GSE1: variants seen among roughly 807,000 people sequenced by gnomAD.
GSE1 encodes the protein Gse1 coiled-coil protein.
Under a neutral mutation model 112.6 loss-of-function variants are expected in GSE1, and 32 were observed. The observed-to-expected ratio is 0.28, with a 90% confidence interval of 0.21 to 0.38. The LOEUF is 0.38. GSE1 is among the 10% of genes least tolerant of loss of function. The pLI is 1.00. For missense variants in GSE1, 2,348 were observed against 1,699.2 expected, an observed-to-expected ratio of 1.38 and a Z score of -6.71; for synonymous variants, 1,115 against 735.6, an observed-to-expected ratio of 1.52 and a Z score of -8.35.
chr16:85,597,373 CAAAA>C (rs1165062872), intron 1 of GSE1, among the ~76,000 whole-genome samples: 23 of 31,850 alleles, frequency 7.2e-4, no homozygotes, highest in South Asian at 4.0e-3. Flanking sequence ...GACTCTGTCT[CAAAA>C]AAAAAAAAAA....
chr16:85,228,150 G>C (rs753836984), intron 1 of GSE1, among the ~76,000 whole-genome samples: 1 of 152,256 alleles, frequency 6.6e-6, no homozygotes, highest in Non-Finnish European at 1.5e-5. Context: ...CTGGCTGCTG[G>C]AGGAGCAGCG....
chr16:85,507,701 G>A (rs1473524447), intron 2 of GSE1, among the ~76,000 whole-genome samples: 4 of 152,084 alleles, frequency 2.6e-5, no homozygotes, highest in Admixed American at 2.0e-4. Context: ...TTGGATTAGG[G>A]CCACCCGGGT....
intron 2 of GSE1, among the ~76,000 whole-genome samples, chr16:85,520,909 G>A (rs750054957): frequency 6.6e-6 from 1 of 152,120 alleles, no homozygotes; most frequent in African/African-American, 2.4e-5. Flanking sequence ...GCCTGGTCCC[G>A]CCCGCCACCC....
At chr16:85,451,753 GCGC>G (rs756220383) in intron 2 of GSE1, among the ~76,000 whole-genome samples, 5,654 of 49,686 alleles carry the variant, frequency 0.11, 1,685 homozygotes, top group East Asian at 0.36. Flanking sequence ...GTTGGTGCGT[GCGC>G]TGGTGGTGGT....
At chr16:85,170,198 C>T (rs2074336545) in exon 1 of GSE1, 4 of 985,288 alleles carry the variant, frequency 4.1e-6, no homozygotes, top group South Asian at 4.7e-5. Flanking sequence ...GGACAGGGCG[C>T]AGAGGCCTCG....
chr16:85,638,345 C>T (rs2050171329), intron 2 of GSE1, among the ~76,000 whole-genome samples: 1 of 152,214 alleles, frequency 6.6e-6, no homozygotes, highest in African/African-American at 2.4e-5. Flanking sequence ...GTCACCCGCC[C>T]ACCAGCGCGG....
At chr16:85,308,775 A>C (rs2045749094) in intron 1 of GSE1, among the ~76,000 whole-genome samples, 1 of 151,490 alleles carries the variant, frequency 6.6e-6, no homozygotes, top group Admixed American at 6.6e-5. Context: ...AGAGGTTTGC[A>C]GCAAAAGCCA....
chr16:85,479,419 T>C (rs1319697518), intron 2 of GSE1, among the ~76,000 whole-genome samples: 2 of 151,922 alleles, frequency 1.3e-5, no homozygotes, highest in African/African-American at 4.8e-5. Flanking sequence ...TCTGCACGTC[T>C]CAGCCTCCCA....
intron 1 of GSE1, among the ~76,000 whole-genome samples, chr16:85,331,685 G>GTGTGTA (rs1428139610): frequency 1.1e-4 from 5 of 44,242 alleles, no homozygotes; most frequent in African/African-American, 2.1e-4. Context: ...GTGTGTGTGT[G>GTGTGTA]TATATATATA....
chr16:85,570,588 G>T (rs1322717011), intron 1 of GSE1, among the ~76,000 whole-genome samples: 1 of 152,238 alleles, frequency 6.6e-6, no homozygotes, highest in Non-Finnish European at 1.5e-5. Context: ...CAGGTTCTAG[G>T]GCTCTCGGAG....
intron 2 of GSE1, among the ~76,000 whole-genome samples, chr16:85,485,314 G>A (rs1448638267): frequency 6.6e-6 from 1 of 152,218 alleles, no homozygotes; most frequent in Admixed American, 6.5e-5. Context: ...AGAGACAGGA[G>A]CCTGCAGTCA....
At chr16:85,546,007 G>C (rs1392489409) in intron 2 of GSE1, among the ~76,000 whole-genome samples, 1 of 152,138 alleles carries the variant, frequency 6.6e-6, no homozygotes, top group South Asian at 2.1e-4. Context: ...GGATGGTCTC[G>C]ATCTCCTGAC....
At chr16:85,356,441 A>G (rs1301639800) in intron 1 of GSE1, among the ~76,000 whole-genome samples, 1 of 152,160 alleles carries the variant, frequency 6.6e-6, no homozygotes, top group Non-Finnish European at 1.5e-5. Flanking sequence ...AGGTCCCAGG[A>G]GGGTCCCACC....
At chr16:85,399,281 C>G (rs78015819) in intron 2 of GSE1, among the ~76,000 whole-genome samples, 244 of 151,704 alleles carry the variant, frequency 1.6e-3, no homozygotes, top group African/African-American at 3.9e-3. Context: ...TCTGCTGGGC[C>G]CCCCCAGCAC....
chr16:85,545,014 C>T (rs4843455), intron 2 of GSE1, among the ~76,000 whole-genome samples: 10,223 of 152,320 alleles, frequency 0.067, 544 homozygotes, highest in African/African-American at 0.15. Context: ...GGGAGACCTC[C>T]GTGGTGCCTT....
intron 2 of GSE1, among the ~76,000 whole-genome samples, chr16:85,365,668 A>G (rs961464964): frequency 5.9e-5 from 9 of 152,202 alleles, no homozygotes; most frequent in African/African-American, 2.2e-4. Context: ...AAAGGTTTGT[A>G]GAAGGCGAAG....
intron 13 of GSE1, among the ~76,000 whole-genome samples, chr16:85,667,525 G>A (rs1342181495): frequency 6.6e-6 from 1 of 152,348 alleles, no homozygotes; most frequent in Non-Finnish European, 1.5e-5. Flanking sequence ...GAGAGGATGG[G>A]CTGGTGTCTG....
At chr16:85,194,104 A>G (rs768259453) in intron 1 of GSE1, among the ~76,000 whole-genome samples, 4 of 152,214 alleles carry the variant, frequency 2.6e-5, no homozygotes, top group Admixed American at 6.5e-5. Flanking sequence ...CTCTGACTCA[A>G]CGACGTAGCA....
intron 2 of GSE1, among the ~76,000 whole-genome samples, chr16:85,441,217 C>T (rs2049367631): frequency 1.3e-5 from 2 of 152,186 alleles, no homozygotes; most frequent in African/African-American, 4.8e-5. Context: ...GGACGTTTAG[C>T]ACCATCTCTG....
Sources: gnomAD v4.1 joint callset for allele counts (sites outside exome capture counted in the v4.1 genomes callset) on GRCh38, gnomAD v4.1.1 for gene constraint, MANE v1.5 for transcripts, NCBI Gene and HGNC (gene_info 2026-07-23, HGNC 2026-07-21) for gene names.